Variants in ZEB2 observed in about 807,000 individuals in gnomAD.
ZEB2 encodes the protein zinc finger E-box binding homeobox 2.
A neutral mutation model predicts 99.9 loss-of-function variants in ZEB2; 6 were observed. That is an observed-to-expected ratio of 0.06 (90% CI 0.03 to 0.12). ZEB2 has a LOEUF of 0.12. ZEB2 is among the 10% of genes least tolerant of loss of function. The pLI is 1.00. For synonymous variants in ZEB2, 517 were observed against 542.5 expected (o/e 0.95, Z 0.65); for missense variants, 969 against 1,502.8 (o/e 0.64, Z 5.87).
intron 4 of ZEB2, 91 bp downstream of exon 4, chr2:144,424,705 A>T: frequency 6.9e-7 from 1 of 1,444,802 alleles, no homozygotes; most frequent in South Asian, 1.1e-5. Context: ...TCATGGAGAT[A>T]CAAATGGATG....
At chr2:144,486,378 T>G (rs1465599477) in intron 2 of ZEB2, among the ~76,000 whole-genome samples, 1 of 152,042 alleles carries the variant, frequency 6.6e-6, no homozygotes, top group Non-Finnish European at 1.5e-5. Context: ...AGGTTTTTTT[T>G]TTTTTTAAAG....
intron 2 of ZEB2, chr2:144,497,894 TGTCATTCTCAACA>T (rs1560650567): frequency 5.9e-4 from 26 of 43,712 alleles, no homozygotes; most frequent in African/African-American, 2.5e-3. Context: ...TATATATATA[TGTCATTCTCAACA>T]TATATATTAT....
rs1247152705 is a variant in ZEB2, at chr2:144,385,031, T to C, written c.*4420A>G. Reference sequence around the variant, plus strand: ...ACATATATGTCATAATATTTATTAATATATAGAATGATCAGATGAGTCACC... The same window carrying C: ...ACATATATGTCATAATATTTATTAACATATAGAATGATCAGATGAGTCACC... On this transcript the variant is annotated 3_prime_UTR_variant, in exon 10 of 10. Coordinates refer to ENST00000627532, the MANE Select transcript of ZEB2 (RefSeq NM_014795.4). 1.3e-5 allele frequency: 2 copies of C among 152,208 alleles called. No individual in the cohort carries two copies. The highest frequency in any genetic ancestry group is 1.5e-5 in the Non-Finnish European group (1 of 68,020). 9.4% of individuals were successfully genotyped at this position (152,208 alleles called of 1,614,324 possible).
At chr2:144,421,088 G>T (rs1366220810) in intron 4 of ZEB2, among the ~76,000 whole-genome samples, 1 of 152,160 alleles carries the variant, frequency 6.6e-6, no homozygotes, top group Non-Finnish European at 1.5e-5. Context: ...ATGTCTGGTT[G>T]GTTACTTCAG....
At chr2:144,393,046 A>G (rs1034231560) in intron 9 of ZEB2, among the ~76,000 whole-genome samples, 1 of 152,252 alleles carries the variant, frequency 6.6e-6, no homozygotes, top group Non-Finnish European at 1.5e-5. Context: ...AGCACCTACC[A>G]TGATGTCTCA....
chr2:144,418,502 A>G (rs1297900663), intron 4 of ZEB2, among the ~76,000 whole-genome samples: 1 of 152,118 alleles, frequency 6.6e-6, no homozygotes, highest in African/African-American at 2.4e-5. Flanking sequence ...AGCCTGGCCA[A>G]CATGACAAAA....
intron 4 of ZEB2, among the ~76,000 whole-genome samples, chr2:144,414,018 G>A (rs950264447): frequency 6.6e-6 from 1 of 152,168 alleles, no homozygotes; most frequent in Non-Finnish European, 1.5e-5. Context: ...CTTAATTGCT[G>A]GCTAGGCTGC....
chr2:144,440,503 ATATATATATATATTTTTT>A (rs1483853937), intron 2 of ZEB2, among the ~76,000 whole-genome samples: 27 of 39,070 alleles, frequency 6.9e-4, no homozygotes, highest in African/African-American at 3.2e-3. Context: ...ATATATATAT[ATATATATATATATTTTTT>A]TTTTTTTTTT....
chr2:144,392,325 G>A (rs926420181), intron 9 of ZEB2, among the ~76,000 whole-genome samples: 1 of 152,114 alleles, frequency 6.6e-6, no homozygotes, highest in African/African-American at 2.4e-5. Flanking sequence ...CTTTTCCAAA[G>A]CAACAAAACA....
intron 2 of ZEB2, among the ~76,000 whole-genome samples, chr2:144,456,650 T>C (rs1415111557): frequency 2.6e-5 from 4 of 152,194 alleles, no homozygotes; most frequent in Non-Finnish European, 5.9e-5. Context: ...GATAATCTAA[T>C]AGATTTCCTT....
At chr2:144,403,471 AG>A (rs1703339765) in intron 6 of ZEB2, among the ~76,000 whole-genome samples, 1 of 152,176 alleles carries the variant, frequency 6.6e-6, no homozygotes, top group South Asian at 2.1e-4. Flanking sequence ...AAATACTCTA[AG>A]TAATTGAAGG....
intron 4 of ZEB2, among the ~76,000 whole-genome samples, chr2:144,413,674 A>C (rs114630210): frequency 0.012 from 1,801 of 152,334 alleles, 34 homozygotes; most frequent in African/African-American, 0.041. Context: ...ACCAAGAAGA[A>C]TATGACATAC....
intron 2 of ZEB2, chr2:144,495,610 A>G (rs549220701): frequency 6.6e-5 from 10 of 152,386 alleles, no homozygotes; most frequent in African/African-American, 2.4e-4. Context: ...ATAACCCACA[A>G]GCAAACATGC....
rs1705175958 is a variant in ZEB2 at position 144,517,438 on chromosome 2, G to A, written c.-69-19C>T. On this transcript the variant is annotated intron_variant, in intron 1 of 9. Transcript: ENST00000627532. ...GCTCGATCTAGCAACCAAACACAGCGACAATGTGGGCATCGCCCGCGCCCA... is the reference window on the plus strand; with the variant it reads ...GCTCGATCTAGCAACCAAACACAGCAACAATGTGGGCATCGCCCGCGCCCA... The A allele has an allele frequency of 6.6e-7, 1 of 1,512,974 alleles. No homozygotes were observed. Among genetic ancestry groups the A allele is most frequent in the African/African-American group, 1.4e-5 (1 of 72,852 alleles). The allele number at this position is 1,512,974 out of a possible 1,614,324, so 93.7% of individuals were successfully genotyped here.
At chr2:144,411,093 ATATATATG>A in intron 4 of ZEB2, among the ~76,000 whole-genome samples, 2 of 108,390 alleles carry the variant, frequency 1.8e-5, no homozygotes, top group African/African-American at 6.0e-5. Context: ...ATATATATAT[ATATATATG>A]TATAATAGGG....
At chr2:144,423,628 T>C (rs1472329188) in intron 4 of ZEB2, among the ~76,000 whole-genome samples, 4 of 152,248 alleles carry the variant, frequency 2.6e-5, no homozygotes, top group African/African-American at 7.2e-5. Flanking sequence ...CTTGATTCTA[T>C]ACTTTTTCTA....
chr2:144,392,669 A>C (rs768756750), intron 9 of ZEB2, among the ~76,000 whole-genome samples: 1 of 152,202 alleles, frequency 6.6e-6, no homozygotes, highest in Non-Finnish European at 1.5e-5. Context: ...GCATTTAATA[A>C]ATTCAATTTA....
chr2:144,513,944 T>C, intron 2 of ZEB2: 1 of 1,444,826 alleles, frequency 6.9e-7, no homozygotes. Context: ...CGACACACAT[T>C]CTTGTCTGCG....
At chr2:144,410,956 A>G (rs903934805) in intron 4 of ZEB2, among the ~76,000 whole-genome samples, 2 of 150,464 alleles carry the variant, frequency 1.3e-5, no homozygotes. Context: ...GTGTTCTTGG[A>G]AATGAGGACA....
Sources: allele counts gnomAD v4.1 joint callset (sites outside exome capture counted in the v4.1 genomes callset), GRCh38; gene constraint gnomAD v4.1.1; transcripts MANE v1.5; gene names NCBI Gene and HGNC (gene_info 2026-07-23, HGNC 2026-07-21).